The following TMEM217 variants were observed in gnomAD, a reference collection of about 807,000 sequenced individuals.
TMEM217 encodes chromosome 6 open reading frame 128.
For synonymous variants in TMEM217, 76 were observed against 88.3 expected, an observed-to-expected ratio of 0.86 and a Z score of 0.78; for missense variants, 204 against 248.8, an observed-to-expected ratio of 0.82 and a Z score of 1.21.
At chr6:37,257,086 G>T (rs936453551) in intron 1 of TMEM217, among the ~76,000 whole-genome samples, 87 of 152,262 alleles carry the variant, frequency 5.7e-4, no homozygotes, top group African/African-American at 1.9e-3. Context: ...TCAAAGAAAT[G>T]GTATTTGGTA....
chr6:37,225,101 G>C (rs919795260), intron 1 of TMEM217, among the ~76,000 whole-genome samples: 2 of 151,972 alleles, frequency 1.3e-5, no homozygotes, highest in African/African-American at 4.8e-5. Context: ...TCCGGAGGCT[G>C]AGGTATGAGA....
intron 1 of TMEM217, among the ~76,000 whole-genome samples, chr6:37,231,730 ATATATATAT>A (rs911273820): frequency 2.0e-5 from 3 of 147,256 alleles, no homozygotes; most frequent in East Asian, 2.0e-4. Context: ...TTTATCTTTT[ATATATATAT>A]TATATATATT....
chr6:37,251,369 GA>G (rs916919800), intron 1 of TMEM217, among the ~76,000 whole-genome samples: 1 of 130,576 alleles, frequency 7.7e-6, no homozygotes, highest in Admixed American at 7.8e-5. Flanking sequence ...ACTATAATTT[GA>G]AAAAAACTGC....
chr6:37,224,427 T>TCG (rs1181846421), intron 1 of TMEM217, among the ~76,000 whole-genome samples: 1 of 150,226 alleles, frequency 6.7e-6, no homozygotes, highest in Non-Finnish European at 1.5e-5. Context: ...TGAAACCCTG[T>TCG]CTCTACTAAA....
intron 1 of TMEM217, among the ~76,000 whole-genome samples, chr6:37,224,921 G>A (rs1053959686): frequency 2.0e-5 from 3 of 151,642 alleles, no homozygotes; most frequent in Non-Finnish European, 4.4e-5. Context: ...GCTCATGCCT[G>A]TAATCCCAGC....
At chr6:37,229,633 C>T (rs895673870) in intron 1 of TMEM217, among the ~76,000 whole-genome samples, 6 of 152,134 alleles carry the variant, frequency 3.9e-5, no homozygotes, top group South Asian at 2.1e-4. Flanking sequence ...TGAGCCACCG[C>T]GCCGGCCAAT....
At chr6:37,212,512 G>T in exon 4 of TMEM217, 1 of 457,376 alleles carries the variant, frequency 2.2e-6, no homozygotes, top group Non-Finnish European at 4.4e-6. Context: ...CCTGCCCACA[G>T]TCTGGGATTC....
exon 2 of TMEM217, chr6:37,218,312 G>A: frequency 1.7e-6 from 2 of 1,168,176 alleles, no homozygotes; most frequent in Non-Finnish European, 2.3e-6. Context: ...GGGATTACAG[G>A]TGTGTGCCGC....
chr6:37,220,594 T>A (rs1312737244), intron 1 of TMEM217, among the ~76,000 whole-genome samples: 1 of 152,186 alleles, frequency 6.6e-6, no homozygotes, highest in Non-Finnish European at 1.5e-5. Flanking sequence ...GTATTTTTTT[T>A]AACTTTAAGT....
At chr6:37,242,430 TGCCTTTAAGA>T (rs1201675254) in intron 1 of TMEM217, among the ~76,000 whole-genome samples, 1 of 152,234 alleles carries the variant, frequency 6.6e-6, no homozygotes, top group Non-Finnish European at 1.5e-5. Flanking sequence ...ATCTTTTCTT[TGCCTTTAAGA>T]GCCTAGATTT....
chr6:37,224,618 A>G (rs1400758307), intron 1 of TMEM217, among the ~76,000 whole-genome samples: 1 of 149,188 alleles, frequency 6.7e-6, no homozygotes, highest in Non-Finnish European at 1.5e-5. Flanking sequence ...AACAAACGAA[A>G]AAAAAACCTT....
intron 1 of TMEM217, among the ~76,000 whole-genome samples, chr6:37,222,809 A>C (rs1169198461): frequency 6.6e-6 from 1 of 152,192 alleles, no homozygotes; most frequent in Non-Finnish European, 1.5e-5. Context: ...TTCCCGACTT[A>C]ACTCAGAAGG....
At chr6:37,250,245 G>T (rs569219587) in intron 1 of TMEM217, among the ~76,000 whole-genome samples, 3 of 152,286 alleles carry the variant, frequency 2.0e-5, no homozygotes, top group African/African-American at 7.2e-5. Flanking sequence ...CTGCAGAGTG[G>T]TTACATCTGA....
chr6:37,253,806 T>C (rs914232368), intron 1 of TMEM217, among the ~76,000 whole-genome samples: 2 of 152,224 alleles, frequency 1.3e-5, no homozygotes, highest in African/African-American at 2.4e-5. Context: ...TTTCCTCCTA[T>C]AGTTCTTCAG....
At chr6:37,225,385 G>A (rs1243414940) in intron 1 of TMEM217, among the ~76,000 whole-genome samples, 1 of 151,984 alleles carries the variant, frequency 6.6e-6, no homozygotes, top group African/African-American at 2.4e-5. Flanking sequence ...AAAAAAACAA[G>A]CTAGTAAATA....
intron 1 of TMEM217, among the ~76,000 whole-genome samples, chr6:37,239,891 T>TA (rs35304138): frequency 0.08 from 10,623 of 133,584 alleles, 1,083 homozygotes; most frequent in African/African-American, 0.24. Context: ...CCCAGCTCAT[T>TA]AAAAAAAAAA....
intron 1 of TMEM217, among the ~76,000 whole-genome samples, chr6:37,232,760 C>G (rs574719896): frequency 6.6e-6 from 1 of 152,222 alleles, no homozygotes; most frequent in Non-Finnish European, 1.5e-5. Flanking sequence ...CTGCCCTCCG[C>G]GGAATCTTCC....
downstream of TMEM217, among the ~76,000 whole-genome samples, chr6:37,213,777 C>T (rs562820919): frequency 3.3e-5 from 5 of 152,328 alleles, no homozygotes; most frequent in Middle Eastern, 3.4e-3. Flanking sequence ...GGGCCTACAG[C>T]GCAAACGTTC....
chr6:37,239,636 T>C (rs1368274720), intron 1 of TMEM217, among the ~76,000 whole-genome samples: 3 of 152,114 alleles, frequency 2.0e-5, no homozygotes, highest in Non-Finnish European at 2.9e-5. Flanking sequence ...TCAATCATGG[T>C]AAGAACTTTT....
Sources: allele counts gnomAD v4.1 joint callset (sites outside exome capture counted in the v4.1 genomes callset), GRCh38; gene constraint gnomAD v4.1.1; transcripts MANE v1.5; gene names NCBI Gene and HGNC (gene_info 2026-07-23, HGNC 2026-07-21).